HAPLN1: variants seen among roughly 807,000 people sequenced by gnomAD.
HAPLN1 encodes the protein Cartilage link protein.
HAPLN1 carries 13 observed loss-of-function variants against 36.5 expected under a neutral mutation model. The ratio of observed to expected loss-of-function variants is 0.36; its 90% CI spans 0.23 to 0.57. The LOEUF (loss-of-function observed/expected upper bound fraction) is 0.57. Ranked by LOEUF, HAPLN1 falls within the 20% of genes least tolerant of loss-of-function variation. The pLI is 0.83. For synonymous variants in HAPLN1, 202 were observed against 169.8 expected (o/e 1.19, Z -1.48); for missense variants, 407 against 439.7 (o/e 0.93, Z 0.66).
chr5:83,643,210 G>A (rs904518401), intron 4 of HAPLN1, among the ~76,000 whole-genome samples: 13 of 151,988 alleles, frequency 8.6e-5, no homozygotes, highest in African/African-American at 2.4e-4. Context: ...TTAAGTAGGC[G>A]TGGTGGCATG....
intron 2 of HAPLN1, among the ~76,000 whole-genome samples, chr5:83,660,129 C>G (rs2112578124): frequency 6.6e-6 from 1 of 152,240 alleles, no homozygotes; most frequent in African/African-American, 2.4e-5. Flanking sequence ...CTGTTGAGAT[C>G]TGCATTATCA....
rs148235631 is a variant in HAPLN1 at position 83,697,004 on chromosome 5, A to C, written c.-26-23455T>G. On this transcript the variant is annotated intron_variant, in intron 1 of 4. Coordinates refer to ENST00000274341, the MANE Select transcript of HAPLN1 (RefSeq NM_001884.4). The stretch of plus-strand genomic sequence containing the variant: ...CACTACCTGTTTCCAGAACATTTCC[A>C]TCACCCGTAAAAGAAACTGTGTACC... 5.3e-5 allele frequency among the ~76,000 whole-genome samples: 8 copies of C among 152,218 alleles called. No individual in the cohort carries two copies. In the East Asian group the frequency reaches 1.5e-3, roughly 29 times the overall value.
intron 2 of HAPLN1, among the ~76,000 whole-genome samples, chr5:83,656,287 C>G (rs534119357): frequency 7.6e-6 from 1 of 131,082 alleles, no homozygotes; most frequent in Non-Finnish European, 1.5e-5. Flanking sequence ...GAGATTGTGT[C>G]GCTGTACCCC....
At chr5:83,695,070 T>C (rs1249420144) in intron 1 of HAPLN1, among the ~76,000 whole-genome samples, 1 of 152,160 alleles carries the variant, frequency 6.6e-6, no homozygotes, top group Non-Finnish European at 1.5e-5. Context: ...TAATACAAAA[T>C]GGGGTTTATC....
At chr5:83,678,182 CT>C (rs1300331272) in intron 1 of HAPLN1, among the ~76,000 whole-genome samples, 2 of 150,862 alleles carry the variant, frequency 1.3e-5, no homozygotes, top group African/African-American at 4.9e-5. Flanking sequence ...CATTTTTCCT[CT>C]CTACTTTTCC....
chr5:83,644,020 C>T (rs566229433), intron 4 of HAPLN1, among the ~76,000 whole-genome samples: 1 of 152,168 alleles, frequency 6.6e-6, no homozygotes, highest in Non-Finnish European at 1.5e-5. Context: ...GGCACGCTTA[C>T]TTTGATTGAC....
intron 1 of HAPLN1, among the ~76,000 whole-genome samples, chr5:83,717,888 A>T (rs936253411): frequency 6.6e-6 from 1 of 152,222 alleles, no homozygotes; most frequent in Non-Finnish European, 1.5e-5. Flanking sequence ...AACTTGTACT[A>T]CTATCCTTTC....
chr5:83,715,408 T>G (rs1304667079), intron 1 of HAPLN1, among the ~76,000 whole-genome samples: 2 of 152,042 alleles, frequency 1.3e-5, no homozygotes, highest in East Asian at 1.9e-4. Context: ...CTTGGGTAAA[T>G]GCAAAGAAAG....
intron 1 of HAPLN1, among the ~76,000 whole-genome samples, chr5:83,718,345 C>CA (rs972654290): frequency 5.3e-4 from 81 of 152,250 alleles, no homozygotes; most frequent in African/African-American, 1.9e-3. Flanking sequence ...CCGAGGGAGT[C>CA]AGAGTATTTT....
intron 1 of HAPLN1, among the ~76,000 whole-genome samples, chr5:83,681,751 C>T (rs1471799336): frequency 6.6e-6 from 1 of 152,056 alleles, no homozygotes; most frequent in Admixed American, 6.6e-5. Flanking sequence ...TATAGAATAA[C>T]TCTCCTCTTC....
At chr5:83,657,198 C>G (rs1263993692) in intron 2 of HAPLN1, among the ~76,000 whole-genome samples, 1 of 151,872 alleles carries the variant, frequency 6.6e-6, no homozygotes, top group African/African-American at 2.4e-5. Flanking sequence ...CGGGTTCAAG[C>G]CATTCTCCTG....
Position 83,639,288 on chromosome 5 carries a change from T to C in HAPLN1, c.*2208A>G, listed in dbSNP as rs1298419680. 1 of 152,078 alleles carries C rather than the reference T, an allele frequency of 6.6e-6. No individual in the cohort carries two copies. The highest frequency in any genetic ancestry group is 1.5e-5 in the Non-Finnish European group (1 of 67,920). The allele number at this position is 152,078 out of a possible 1,614,324, so 9.4% of individuals were successfully genotyped here. ...CACTGTGTTAAGATTTTTTGTTTTT[T>C]ACACGAATGGAAAAATGATGTGTAA... On this transcript the variant is annotated 3_prime_UTR_variant, in exon 5 of 5. Coordinates refer to ENST00000274341, the MANE Select transcript of HAPLN1 (RefSeq NM_001884.4).
chr5:83,684,937 C>A (rs752090583), intron 1 of HAPLN1, among the ~76,000 whole-genome samples: 1 of 152,084 alleles, frequency 6.6e-6, no homozygotes, highest in Admixed American at 6.5e-5. Flanking sequence ...GTAGAACACA[C>A]TTTTAAAGAC....
At chr5:83,680,461 A>T (rs1229844441) in intron 1 of HAPLN1, among the ~76,000 whole-genome samples, 1 of 152,178 alleles carries the variant, frequency 6.6e-6, no homozygotes, top group East Asian at 1.9e-4. Context: ...GATAGTATTT[A>T]GCATGTTTCT....
intron 1 of HAPLN1, among the ~76,000 whole-genome samples, chr5:83,702,304 T>C (rs561369947): frequency 3.3e-5 from 5 of 152,236 alleles, no homozygotes; most frequent in African/African-American, 4.8e-5. Flanking sequence ...TTGTCAAATA[T>C]CCGGTATAAA....
chr5:83,673,608 A>T, intron 1 of HAPLN1, 59 bp from the exon 2 acceptor site: 1 of 905,734 alleles, frequency 1.1e-6, no homozygotes, highest in Non-Finnish European at 1.8e-6. Context: ...GGAGTGTTGC[A>T]CTGCACAACT....
chr5:83,719,677 A>T (rs902824036), intron 1 of HAPLN1, among the ~76,000 whole-genome samples: 1 of 152,242 alleles, frequency 6.6e-6, no homozygotes, highest in African/African-American at 2.4e-5. Flanking sequence ...TACTTTTGAT[A>T]GAACAATATT....
intron 1 of HAPLN1, among the ~76,000 whole-genome samples, chr5:83,719,831 A>C (rs1751983836): frequency 6.6e-6 from 1 of 152,192 alleles, no homozygotes; most frequent in Non-Finnish European, 1.5e-5. Context: ...ATCAATCCAC[A>C]GCCTTAATTT....
At chr5:83,665,479 A>G (rs1387219518) in intron 2 of HAPLN1, among the ~76,000 whole-genome samples, 1 of 152,226 alleles carries the variant, frequency 6.6e-6, no homozygotes, top group Non-Finnish European at 1.5e-5. Context: ...CATTTCAAAT[A>G]GAATCAGCTA....
Sources: allele counts gnomAD v4.1 joint callset (sites outside exome capture counted in the v4.1 genomes callset), GRCh38; gene constraint gnomAD v4.1.1; transcripts MANE v1.5; gene names NCBI Gene and HGNC (gene_info 2026-07-23, HGNC 2026-07-21).